Variants in BANK1 observed in about 807,000 individuals in gnomAD.
BANK1 encodes B-cell scaffold protein with ankyrin repeats.
Under a neutral mutation model 94.5 loss-of-function variants are expected in BANK1, and 95 were observed. That is an observed-to-expected ratio of 1.00 (90% CI 0.85 to 1.19). The LOEUF (loss-of-function observed/expected upper bound fraction) is 1.19. Ranked by LOEUF, BANK1 falls within the 50% of genes most tolerant of loss-of-function variation. The probability of loss-of-function intolerance (pLI) is 0.00; values close to 1 mark genes in which losing one functional copy is unlikely to be tolerated. For synonymous variants in BANK1, 334 were observed against 308.4 expected (o/e 1.08, Z -0.87); for missense variants, 987 against 932.2 (o/e 1.06, Z -0.77).
intron 13 of BANK1, among the ~76,000 whole-genome samples, chr4:102,063,581 T>G (rs113186372): frequency 6.6e-6 from 1 of 151,858 alleles, no homozygotes; most frequent in African/African-American, 2.4e-5. Context: ...CCCAGCACTT[T>G]GGGAGGCCGA....
intron 7 of BANK1, among the ~76,000 whole-genome samples, chr4:101,988,750 T>C (rs189557306): frequency 4.7e-4 from 72 of 152,316 alleles, no homozygotes; most frequent in African/African-American, 1.6e-3. Flanking sequence ...ATTTTTATAA[T>C]GATCAAGCCC....
chr4:101,851,369 G>A (rs1329665504), intron 2 of BANK1, among the ~76,000 whole-genome samples: 1 of 152,116 alleles, frequency 6.6e-6, no homozygotes, highest in African/African-American at 2.4e-5. Context: ...AACCTAACTA[G>A]GCGTGGATTT....
chr4:102,005,564 G>A (rs541402496), intron 7 of BANK1, among the ~76,000 whole-genome samples: 150 of 152,148 alleles, frequency 9.9e-4, no homozygotes, highest in African/African-American at 3.0e-3. Flanking sequence ...ACTGGTTAGC[G>A]CATTGTTAGA....
rs1171706158 is a variant in BANK1 at position 102,045,009 on chromosome 4, T to A, written c.1969+1102T>A. On this transcript the variant is annotated intron_variant, in intron 11 of 16. Transcript: ENST00000322953. ...CCTGTTCACTCTGATGGTAGTTTCT[T>A]TTGCTGTGCAGAAGCTCTTTAGTTT... 2.7e-5 allele frequency among the ~76,000 whole-genome samples: 4 copies of A among 150,624 alleles called. 1 individual carries two copies. The highest frequency in any genetic ancestry group is 2.7e-4 in the Admixed American group (4 of 15,064).
chr4:101,965,306 A>C (rs1255838597), intron 7 of BANK1, among the ~76,000 whole-genome samples: 1 of 150,550 alleles, frequency 6.6e-6, no homozygotes, highest in African/African-American at 2.4e-5. Flanking sequence ...ACCACTCTCC[A>C]TTGCAATATG....
intron 6 of BANK1, among the ~76,000 whole-genome samples, chr4:101,896,712 G>T (rs1722092612): frequency 6.6e-6 from 1 of 151,722 alleles, no homozygotes; most frequent in South Asian, 2.1e-4. Flanking sequence ...TAATATACAT[G>T]TATTTATAGA....
At chr4:101,931,645 C>G (rs1017800678) in intron 7 of BANK1, among the ~76,000 whole-genome samples, 1 of 151,542 alleles carries the variant, frequency 6.6e-6, no homozygotes, top group Non-Finnish European at 1.5e-5. Flanking sequence ...TTCTGTTACT[C>G]TGGTGAACTT....
chr4:101,880,298 A>G (rs1314529386), intron 5 of BANK1, among the ~76,000 whole-genome samples: 1 of 152,078 alleles, frequency 6.6e-6, no homozygotes, highest in Non-Finnish European at 1.5e-5. Context: ...GCCAACAGTG[A>G]ACAATCTGAA....
At chr4:102,010,968 A>G (rs1223592989) in intron 7 of BANK1, among the ~76,000 whole-genome samples, 2 of 152,226 alleles carry the variant, frequency 1.3e-5, no homozygotes, top group Admixed American at 6.5e-5. Flanking sequence ...TATTATGTTT[A>G]TATGTGCAAT....
intron 7 of BANK1, among the ~76,000 whole-genome samples, chr4:101,989,399 C>G (rs901639874): frequency 6.2e-5 from 9 of 145,446 alleles, no homozygotes; most frequent in Non-Finnish European, 1.2e-4. Flanking sequence ...CCATTGCACT[C>G]CAGCCTGGGG....
At chr4:101,916,268 C>T (rs1396874209) in intron 6 of BANK1, among the ~76,000 whole-genome samples, 1 of 151,998 alleles carries the variant, frequency 6.6e-6, no homozygotes, top group Non-Finnish European at 1.5e-5. Flanking sequence ...GATTAGAATG[C>T]AGATTTCCTG....
intron 5 of BANK1, among the ~76,000 whole-genome samples, chr4:101,876,017 G>T (rs1456334179): frequency 6.6e-6 from 1 of 152,130 alleles, no homozygotes; most frequent in Non-Finnish European, 1.5e-5. Context: ...TTTAGGAAAG[G>T]AATGGAAGAG....
At position 102,025,367 on chromosome 4, in the gene BANK1, T is replaced by C; in HGVS notation, c.1452T>C (p.Tyr484=). ...EVGSESSEDQ[Y]DDLYVFIPGA... ...GCAGTGAGAGTTCTGAAGACCAGTA[T>C]GATGACTTGTATGTGTTCATTCCTG... Residue 484 remains tyrosine, a synonymous_variant, in exon 9 of 17, where the codon TAT becomes TAC. Transcript: ENST00000322953. The C allele has an allele frequency of 6.2e-7, 1 of 1,614,108 alleles. No individual in the cohort carries two copies. Among genetic ancestry groups the C allele is most frequent in the African/African-American group, 1.3e-5 (1 of 75,034 alleles).
At chr4:101,955,115 G>A (rs1578418996) in intron 7 of BANK1, among the ~76,000 whole-genome samples, 1 of 152,164 alleles carries the variant, frequency 6.6e-6, no homozygotes, top group South Asian at 2.1e-4. Flanking sequence ...GTAGAAAGGG[G>A]ATGATAGATT....
intron 7 of BANK1, among the ~76,000 whole-genome samples, chr4:102,018,591 T>C (rs1313325472): frequency 2.0e-5 from 3 of 152,212 alleles, no homozygotes; most frequent in Non-Finnish European, 4.4e-5. Context: ...TAATGAATGA[T>C]TTTAATTTAT....
At chr4:102,057,555 T>A (rs777700841) in intron 11 of BANK1, among the ~76,000 whole-genome samples, 1 of 152,092 alleles carries the variant, frequency 6.6e-6, no homozygotes, top group Non-Finnish European at 1.5e-5. Flanking sequence ...GGTCTGGAAC[T>A]CCTTGGCTCA....
intron 1 of BANK1, among the ~76,000 whole-genome samples, chr4:101,802,865 C>T (rs1390426757): frequency 1.3e-5 from 2 of 152,130 alleles, no homozygotes; most frequent in African/African-American, 4.8e-5. Flanking sequence ...CTTTTGTTAC[C>T]TGATAGTCAA....
chr4:101,880,221 G>C (rs1728628542), intron 5 of BANK1, among the ~76,000 whole-genome samples: 1 of 151,974 alleles, frequency 6.6e-6, no homozygotes, highest in African/African-American at 2.4e-5. Context: ...TATTAGAACT[G>C]ATAAACAAAT....
At chr4:101,937,216 G>A (rs886088311) in intron 7 of BANK1, among the ~76,000 whole-genome samples, 2 of 151,536 alleles carry the variant, frequency 1.3e-5, no homozygotes, top group Admixed American at 1.3e-4. Flanking sequence ...AACAAACTTT[G>A]CATATTCTCA....
Sources: allele counts gnomAD v4.1 joint callset (sites outside exome capture counted in the v4.1 genomes callset), GRCh38; gene constraint gnomAD v4.1.1; transcripts MANE v1.5; gene names NCBI Gene and HGNC (gene_info 2026-07-23, HGNC 2026-07-21).